The following ANK1 variants were observed in gnomAD, a reference collection of about 807,000 sequenced individuals.
The protein encoded by ANK1 is ankyrin 1, also known as ankyrin-1.
A neutral mutation model predicts 210.4 loss-of-function variants in ANK1; 51 were observed. The ratio of observed to expected loss-of-function variants is 0.24; its 90% CI spans 0.19 to 0.31. The LOEUF (loss-of-function observed/expected upper bound fraction) is 0.31. Among genes scored for constraint, ANK1 ranks in the 10% least tolerant of loss-of-function variants. The pLI is 1.00. For missense variants in ANK1, 2,051 were observed against 2,504.4 expected (o/e 0.82, Z 3.86); for synonymous variants, 967 against 1,025.9 (o/e 0.94, Z 1.10).
chr8:41,771,406 A>G (rs529118376), intron 1 of ANK1, among the ~76,000 whole-genome samples: 2 of 152,300 alleles, frequency 1.3e-5, no homozygotes, highest in African/African-American at 2.4e-5. Context: ...CATCACAACC[A>G]CACCCTTAGA....
chr8:41,886,329 C>T (rs938014307), intron 1 of ANK1, among the ~76,000 whole-genome samples: 2 of 152,204 alleles, frequency 1.3e-5, no homozygotes, highest in Non-Finnish European at 2.9e-5. Flanking sequence ...CTCCCAACAG[C>T]CCTGCATGGC....
At chr8:41,719,951 C>T in intron 9 of ANK1, 93 bp from the exon 10 acceptor site, 4 of 1,410,462 alleles carry the variant, frequency 2.8e-6, no homozygotes, top group Non-Finnish European at 4.0e-6. Flanking sequence ...CCTACTTCTT[C>T]CCTACACAAT....
chr8:41,844,888 G>A (rs1490517145), intron 1 of ANK1, among the ~76,000 whole-genome samples: 3 of 152,156 alleles, frequency 2.0e-5, no homozygotes, highest in African/African-American at 7.2e-5. Context: ...GAGGAAGACA[G>A]ATGAGCAGGA....
intron 1 of ANK1, among the ~76,000 whole-genome samples, chr8:41,814,658 A>G (rs886524527): frequency 3.3e-5 from 5 of 152,104 alleles, no homozygotes; most frequent in African/African-American, 4.8e-5. Context: ...AGATTTCATT[A>G]TAATAATGAT....
intron 1 of ANK1, among the ~76,000 whole-genome samples, chr8:41,863,689 GTAT>G (rs1813734359): frequency 1.3e-5 from 2 of 152,190 alleles, no homozygotes; most frequent in Admixed American, 6.5e-5. Context: ...TGCTGGTGAG[GTAT>G]TATGAATCCC....
chr8:41,715,949 T>G, intron 13 of ANK1, 100 bp from the exon 14 acceptor site: 1 of 1,405,674 alleles, frequency 7.1e-7, no homozygotes. Context: ...AGAGGGCAAG[T>G]GACCTTCTCA....
At chr8:41,701,981 AG>A in intron 21 of ANK1, 70 bp downstream of exon 21, 1 of 1,509,476 alleles carries the variant, frequency 6.6e-7, no homozygotes, top group African/African-American at 1.4e-5. Flanking sequence ...CCACTTCCAG[AG>A]TAACCCCAGG....
chr8:41,789,548 G>A (rs945801842), intron 1 of ANK1, among the ~76,000 whole-genome samples: 5 of 152,188 alleles, frequency 3.3e-5, no homozygotes, highest in Admixed American at 6.5e-5. Context: ...GGGCCCCTGC[G>A]GTCACACTGC....
intron 1 of ANK1, among the ~76,000 whole-genome samples, chr8:41,822,144 AAGAAAGAAAGAAAG>A (rs147016391): frequency 0.35 from 47,801 of 135,156 alleles, 8,964 homozygotes; most frequent in Non-Finnish European, 0.42. Context: ...GAAAGAAAGA[AAGAAAGAAAGAAAG>A]AAAGAAAGAA....
intron 2 of ANK1, among the ~76,000 whole-genome samples, chr8:41,741,472 T>A (rs1834781231): frequency 6.6e-6 from 1 of 152,030 alleles, no homozygotes; most frequent in African/African-American, 2.4e-5. Context: ...CCCAGCACTT[T>A]GGGAGGCTGA....
intron 1 of ANK1, among the ~76,000 whole-genome samples, chr8:41,814,276 C>T (rs1257540301): frequency 1.3e-5 from 2 of 151,338 alleles, no homozygotes; most frequent in Admixed American, 6.6e-5. Context: ...AGGAGAATGG[C>T]GTGAACCCAG....
chr8:41,688,106 G>A (rs1818197593), intron 35 of ANK1, 50 bp downstream of exon 35: 1 of 1,562,098 alleles, frequency 6.4e-7, no homozygotes, highest in East Asian at 2.2e-5. Context: ...CAGGGGAAGA[G>A]GGTAGGTGAG....
At chr8:41,730,355 G>A (rs539488647) in intron 3 of ANK1, among the ~76,000 whole-genome samples, 47 of 152,270 alleles carry the variant, frequency 3.1e-4, no homozygotes, top group African/African-American at 1.0e-3. Flanking sequence ...TGGTAATCCT[G>A]GCACTTTGGG....
intron 40 of ANK1, among the ~76,000 whole-genome samples, chr8:41,663,114 C>CTGTGTGTGTGTG (rs56138651): frequency 3.5e-4 from 51 of 145,234 alleles, no homozygotes; most frequent in African/African-American, 7.7e-4. Flanking sequence ...CTCTCTCTCT[C>CTGTGTGTGTGTG]TGTGTGTGTG....
intron 35 of ANK1, among the ~76,000 whole-genome samples, chr8:41,687,500 C>T (rs757121590): frequency 6.6e-6 from 1 of 152,230 alleles, no homozygotes; most frequent in Non-Finnish European, 1.5e-5. Flanking sequence ...CTCCACCCTG[C>T]ACTCTCCAAC....
At chr8:41,716,758 C>T (rs184118636) in intron 13 of ANK1, among the ~76,000 whole-genome samples, 195 bp downstream of exon 13, 130 of 152,306 alleles carry the variant, frequency 8.5e-4, no homozygotes, top group African/African-American at 3.0e-3. Flanking sequence ...AAATGTGGCT[C>T]TCATGCAGAA....
intron 1 of ANK1, among the ~76,000 whole-genome samples, chr8:41,878,004 A>C (rs1426711053): frequency 6.6e-6 from 1 of 152,236 alleles, no homozygotes; most frequent in African/African-American, 2.4e-5. Flanking sequence ...GCAGAAGGTC[A>C]GTGACTAGGC....
chr8:41,862,038 G>T (rs11987327), intron 1 of ANK1, among the ~76,000 whole-genome samples: 1 of 152,148 alleles, frequency 6.6e-6, no homozygotes, highest in African/African-American at 2.4e-5. Context: ...CTGCTCAGAC[G>T]GGGTGAATCT....
chr8:41,720,585 GAGAACAGACATA>G (rs1828999966), intron 9 of ANK1, among the ~76,000 whole-genome samples: 2 of 152,172 alleles, frequency 1.3e-5, no homozygotes, highest in Admixed American at 1.3e-4. Context: ...GGAAACAGAA[GAGAACAGACATA>G]ACCCCTGACC....
Sources: allele counts gnomAD v4.1 joint callset (sites outside exome capture counted in the v4.1 genomes callset), GRCh38; gene constraint gnomAD v4.1.1; transcripts MANE v1.5; gene names NCBI Gene and HGNC (gene_info 2026-07-23, HGNC 2026-07-21).